DGKB: variants seen among roughly 807,000 people sequenced by gnomAD.
DGKB encodes the protein diacylglycerol kinase beta, also known as 90 kDa diacylglycerol kinase.
Under a neutral mutation model 114.3 loss-of-function variants are expected in DGKB, and 67 were observed. That is an observed-to-expected ratio of 0.59 (90% CI 0.48 to 0.72). DGKB has a LOEUF of 0.72. Ranked by LOEUF, DGKB falls within the 30% of genes least tolerant of loss-of-function variation. DGKB has a pLI of 0.00. For missense variants in DGKB, 907 were observed against 975.2 expected (o/e 0.93, Z 0.93); for synonymous variants, 398 against 323.1 (o/e 1.23, Z -2.49).
At chr7:14,343,448 T>C (rs1192677809) in intron 22 of DGKB, among the ~76,000 whole-genome samples, 1 of 151,860 alleles carries the variant, frequency 6.6e-6, no homozygotes, top group African/African-American at 2.4e-5. Flanking sequence ...TTTATCATTA[T>C]TTAGCATATT....
rs551618345 is a variant in DGKB at position 14,689,199 on chromosome 7, ATTTTTTTTTTTT to A, written c.712-3849_712-3838del. Among the ~76,000 whole-genome samples the A allele has an allele frequency of 1.4e-3, 111 of 76,578 alleles. 2 individuals are homozygous for A. In the Middle Eastern group the frequency reaches 0.048, roughly 33 times the overall value. The allele number at this position is 76,578 out of a possible 152,430, so 50.2% of individuals were successfully genotyped here. A position where few individuals can be genotyped will look rare whatever the true frequency, so the allele number is the denominator to read the frequency against. On this transcript the variant is annotated intron_variant, in intron 9 of 25. Coordinates refer to ENST00000402815, the MANE Select transcript of DGKB (RefSeq NM_001350709.2). ...TGACAATGTGACAGAAACTCCTCTT[ATTTTTTTTTTTT>A]TTTTTTTTTTTTTGAGAGGAGTCTC...
intron 15 of DGKB, among the ~76,000 whole-genome samples, chr7:14,617,751 C>T (rs1190315889): frequency 6.6e-6 from 1 of 151,628 alleles, no homozygotes; most frequent in Non-Finnish European, 1.5e-5. Context: ...ACAGTTCTTA[C>T]TGACCCTAGG....
intron 17 of DGKB, among the ~76,000 whole-genome samples, chr7:14,606,387 C>A (rs1804512895): frequency 6.6e-6 from 1 of 151,934 alleles, no homozygotes; most frequent in Non-Finnish European, 1.5e-5. Context: ...GAAACTGATC[C>A]CAGACAGCAG....
At chr7:14,745,653 T>C (rs1833175651) in intron 4 of DGKB, among the ~76,000 whole-genome samples, 1 of 152,176 alleles carries the variant, frequency 6.6e-6, no homozygotes. Context: ...AATTTGTGCT[T>C]TATGCAGGGG....
chr7:14,592,604 A>G (rs1411970934), intron 17 of DGKB, among the ~76,000 whole-genome samples: 1 of 151,982 alleles, frequency 6.6e-6, no homozygotes, highest in Admixed American at 6.6e-5. Context: ...CAGCTTATTT[A>G]TTAATACCCA....
chr7:14,497,473 T>A (rs1296948418), intron 20 of DGKB, among the ~76,000 whole-genome samples: 3 of 151,784 alleles, frequency 2.0e-5, no homozygotes, highest in Non-Finnish European at 4.4e-5. Flanking sequence ...ATGAAGTCCA[T>A]CCCCCCATAT....
At chr7:14,441,108 A>C (rs1198759352) in intron 21 of DGKB, among the ~76,000 whole-genome samples, 1 of 151,998 alleles carries the variant, frequency 6.6e-6, no homozygotes, top group Non-Finnish European at 1.5e-5. Context: ...TCCAGAGTTC[A>C]AGTGATTCTC....
At chr7:14,227,258 A>G (rs1182093508) in intron 23 of DGKB, among the ~76,000 whole-genome samples, 1 of 152,040 alleles carries the variant, frequency 6.6e-6, no homozygotes, top group Non-Finnish European at 1.5e-5. Flanking sequence ...GAGAATATAT[A>G]TAGTTGCCCA....
At chr7:14,623,676 G>C (rs1311132696) in intron 14 of DGKB, among the ~76,000 whole-genome samples, 1 of 152,122 alleles carries the variant, frequency 6.6e-6, no homozygotes, top group Non-Finnish European at 1.5e-5. Context: ...TGCCATAATA[G>C]GATTCCTGAA....
At chr7:14,214,871 C>A (rs745674346) in intron 23 of DGKB, among the ~76,000 whole-genome samples, 1 of 152,082 alleles carries the variant, frequency 6.6e-6, no homozygotes, top group Non-Finnish European at 1.5e-5. Flanking sequence ...AAGGCCAATG[C>A]CTGCCTCACC....
chr7:14,327,241 A>G (rs1299639445), intron 23 of DGKB, among the ~76,000 whole-genome samples: 2 of 152,122 alleles, frequency 1.3e-5, no homozygotes, highest in South Asian at 2.1e-4. Flanking sequence ...GAACATTTGG[A>G]TGAAAAGTAA....
At chr7:14,801,638 A>G (rs1842156467) in intron 2 of DGKB, among the ~76,000 whole-genome samples, 1 of 151,834 alleles carries the variant, frequency 6.6e-6, no homozygotes, top group Non-Finnish European at 1.5e-5. Context: ...CATTTTCTCT[A>G]GTCCTGGGAC....
chr7:14,214,915 G>A (rs945743443), intron 23 of DGKB, among the ~76,000 whole-genome samples: 1 of 152,204 alleles, frequency 6.6e-6, no homozygotes, highest in South Asian at 2.1e-4. Flanking sequence ...GTACTGTCCT[G>A]ACTTCCATTC....
intron 15 of DGKB, among the ~76,000 whole-genome samples, chr7:14,614,576 C>T (rs1359059770): frequency 3.9e-5 from 6 of 152,002 alleles, no homozygotes; most frequent in Admixed American, 6.6e-5. Context: ...TTTACCATAT[C>T]ATGCCCTTCC....
At chr7:14,496,552 T>C (rs765639822) in intron 20 of DGKB, among the ~76,000 whole-genome samples, 12 of 151,756 alleles carry the variant, frequency 7.9e-5, no homozygotes, top group Admixed American at 2.0e-4. Flanking sequence ...TGAGCACCTA[T>C]TGTATGCCAA....
intron 6 of DGKB, among the ~76,000 whole-genome samples, chr7:14,707,020 A>T (rs926387539): frequency 1.1e-4 from 16 of 151,122 alleles, no homozygotes; most frequent in African/African-American, 3.9e-4. Flanking sequence ...AAGTCAATGA[A>T]TCCAGGAGCT....
intron 4 of DGKB, among the ~76,000 whole-genome samples, chr7:14,753,465 G>C (rs1834401959): frequency 6.6e-6 from 1 of 152,180 alleles, no homozygotes; most frequent in Admixed American, 6.6e-5. Flanking sequence ...ACAACTCTTT[G>C]CTTATGTTTC....
At chr7:14,506,131 T>G (rs1302234114) in intron 20 of DGKB, among the ~76,000 whole-genome samples, 1 of 152,120 alleles carries the variant, frequency 6.6e-6, no homozygotes, top group African/African-American at 2.4e-5. Flanking sequence ...AACACTTCAC[T>G]AGACACGATG....
intron 5 of DGKB, among the ~76,000 whole-genome samples, chr7:14,723,346 G>A (rs1486270534): frequency 6.6e-6 from 1 of 152,140 alleles, no homozygotes; most frequent in African/African-American, 2.4e-5. Context: ...AGTCATCAGT[G>A]AAATTCTCTC....
Sources: allele counts gnomAD v4.1 joint callset (sites outside exome capture counted in the v4.1 genomes callset), GRCh38; gene constraint gnomAD v4.1.1; transcripts MANE v1.5; gene names NCBI Gene and HGNC (gene_info 2026-07-23, HGNC 2026-07-21).